The following INPP4B variants were observed in gnomAD, a reference collection of about 807,000 sequenced individuals.
The protein encoded by INPP4B is inositol polyphosphate-4-phosphatase type II B, also known as inositol polyphosphate 4-phosphatase type II.
INPP4B carries 55 observed loss-of-function variants against 122.5 expected under a neutral mutation model. The ratio of observed to expected loss-of-function variants is 0.45; its 90% CI spans 0.36 to 0.56. The LOEUF (loss-of-function observed/expected upper bound fraction) is 0.56. Among genes scored for constraint, INPP4B ranks in the 20% least tolerant of loss-of-function variants. The pLI is 0.00. For missense variants in INPP4B, 1,000 were observed against 1,097.7 expected, an observed-to-expected ratio of 0.91 and a Z score of 1.26; for synonymous variants, 403 against 388.7, an observed-to-expected ratio of 1.04 and a Z score of -0.43.
chr4:142,128,759 A>T (rs1409436682), intron 18 of INPP4B, among the ~76,000 whole-genome samples: 1 of 152,082 alleles, frequency 6.6e-6, no homozygotes, highest in Non-Finnish European at 1.5e-5. Context: ...TGAAGGATTC[A>T]GAGAACGGCT....
chr4:142,334,627 T>G (rs527833892), intron 7 of INPP4B, among the ~76,000 whole-genome samples: 1 of 152,324 alleles, frequency 6.6e-6, no homozygotes. Context: ...ATCTCATGTC[T>G]TTTTGATAAT....
intron 25 of INPP4B, among the ~76,000 whole-genome samples, chr4:142,031,994 A>G (rs336354): frequency 0.078 from 11,817 of 152,236 alleles, 642 homozygotes; most frequent in African/African-American, 0.16. Flanking sequence ...GTAAGGCAGG[A>G]AAAGATTCAT....
At chr4:142,491,616 C>T (rs746896375) in intron 2 of INPP4B, among the ~76,000 whole-genome samples, 4 of 152,154 alleles carry the variant, frequency 2.6e-5, no homozygotes, top group Non-Finnish European at 5.9e-5. Context: ...AAGATTGTGC[C>T]ATTGCACTCC....
At chr4:142,633,101 A>G (rs1411554445) in intron 2 of INPP4B, among the ~76,000 whole-genome samples, 1 of 152,008 alleles carries the variant, frequency 6.6e-6, no homozygotes, top group East Asian at 1.9e-4. Flanking sequence ...GTATAATCAT[A>G]TAATTATCAG....
intron 23 of INPP4B, among the ~76,000 whole-genome samples, chr4:142,090,866 A>G (rs115766350): frequency 0.014 from 2,192 of 152,334 alleles, 66 homozygotes; most frequent in African/African-American, 0.051. Flanking sequence ...TATAAGTAAA[A>G]AGGATACACA....
At chr4:142,808,360 T>C (rs1779105803) in intron 1 of INPP4B, among the ~76,000 whole-genome samples, 1 of 152,160 alleles carries the variant, frequency 6.6e-6, no homozygotes, top group African/African-American at 2.4e-5. Context: ...CGGATGAAGA[T>C]ACATAAGAAA....
chr4:142,617,107 T>TA (rs2150358905), intron 2 of INPP4B, among the ~76,000 whole-genome samples: 1 of 152,180 alleles, frequency 6.6e-6, no homozygotes, highest in East Asian at 1.9e-4. Flanking sequence ...AATAAAAATT[T>TA]AAAAAATAAA....
intron 1 of INPP4B, among the ~76,000 whole-genome samples, chr4:142,778,158 G>A (rs1473160622): frequency 6.6e-6 from 1 of 152,112 alleles, no homozygotes; most frequent in Non-Finnish European, 1.5e-5. Context: ...GCTTCAGTAC[G>A]GAGAATTGTG....
intron 7 of INPP4B, among the ~76,000 whole-genome samples, chr4:142,376,189 C>T (rs1254611636): frequency 6.6e-6 from 1 of 151,912 alleles, no homozygotes; most frequent in Non-Finnish European, 1.5e-5. Flanking sequence ...CCTAGTGTAG[C>T]AAATATAATT....
Position 142,028,285 on chromosome 4 carries a change from A to C in INPP4B, c.*497T>G, listed in dbSNP as rs1209579058. The stretch of plus-strand genomic sequence containing the variant: ...GTATTCCAGATCATGAGTTAACTCT[A>C]CCTAATTGAGTGGCTACACATTTTT... On this transcript the variant is annotated 3_prime_UTR_variant, in exon 26 of 26. Transcript: ENST00000262992. 3 of 227,212 alleles carry C rather than the reference A, an allele frequency of 1.3e-5. No homozygotes were observed. The highest frequency in any genetic ancestry group is 6.7e-5 in the African/African-American group (3 of 44,966). 14.1% of individuals were successfully genotyped at this position (227,212 alleles called of 1,614,324 possible).
intron 17 of INPP4B, among the ~76,000 whole-genome samples, chr4:142,156,299 A>T (rs972138958): frequency 2.0e-5 from 3 of 152,090 alleles, no homozygotes; most frequent in Admixed American, 6.5e-5. Context: ...TTTGAAATTA[A>T]ATCACAGTGT....
At chr4:142,264,131 G>A (rs1311942416) in intron 10 of INPP4B, among the ~76,000 whole-genome samples, 2 of 152,136 alleles carry the variant, frequency 1.3e-5, no homozygotes, top group East Asian at 3.9e-4. Flanking sequence ...CATTTAAATA[G>A]GGTCGCTTTG....
chr4:142,291,355 G>T (rs991613902), intron 9 of INPP4B, among the ~76,000 whole-genome samples: 1 of 152,278 alleles, frequency 6.6e-6, no homozygotes, highest in Non-Finnish European at 1.5e-5. Flanking sequence ...GAAGTGATGT[G>T]TCTAACTAAT....
chr4:142,219,547 T>A (rs185400311), intron 12 of INPP4B, among the ~76,000 whole-genome samples: 63 of 152,334 alleles, frequency 4.1e-4, no homozygotes, highest in Admixed American at 9.2e-4. Context: ...TGTGCAAAGG[T>A]TTCTCACAAA....
chr4:142,402,114 C>T (rs1801804245), intron 7 of INPP4B, among the ~76,000 whole-genome samples: 2 of 152,144 alleles, frequency 1.3e-5, no homozygotes, highest in African/African-American at 4.8e-5. Context: ...TAGCTTCAAC[C>T]AGAACTCTCC....
intron 11 of INPP4B, among the ~76,000 whole-genome samples, chr4:142,248,046 G>C (rs986886216): frequency 4.6e-5 from 7 of 151,898 alleles, no homozygotes; most frequent in South Asian, 2.1e-4. Context: ...TGCCCTCCAG[G>C]CTCCTGTGCT....
chr4:142,436,683 T>C (rs923738631), intron 3 of INPP4B, among the ~76,000 whole-genome samples: 4 of 151,180 alleles, frequency 2.6e-5, no homozygotes, highest in Non-Finnish European at 5.9e-5. Flanking sequence ...ACCTGACTAG[T>C]GAAAAACAAA....
intron 2 of INPP4B, among the ~76,000 whole-genome samples, chr4:142,639,586 C>T (rs964373921): frequency 2.6e-5 from 4 of 151,858 alleles, no homozygotes; most frequent in African/African-American, 9.7e-5. Context: ...CTTTGAAGAG[C>T]ACTTTTTTTT....
intron 2 of INPP4B, among the ~76,000 whole-genome samples, chr4:142,617,968 TATC>T (rs1429107249): frequency 3.9e-5 from 6 of 152,120 alleles, no homozygotes; most frequent in Non-Finnish European, 5.9e-5. Flanking sequence ...TCAATAAAAA[TATC>T]ATACTTAAGA....
Sources: allele counts gnomAD v4.1 joint callset (sites outside exome capture counted in the v4.1 genomes callset), GRCh38; gene constraint gnomAD v4.1.1; transcripts MANE v1.5; gene names NCBI Gene and HGNC (gene_info 2026-07-23, HGNC 2026-07-21).